TTN: variants seen among roughly 807,000 people sequenced by gnomAD.
The protein encoded by TTN is titin, also known as connectin.
Under a neutral mutation model 3,223.0 loss-of-function variants are expected in TTN, and 1,525 were observed. The observed-to-expected ratio is 0.47, with a 90% CI of 0.45 to 0.49. The LOEUF is 0.49. Among genes scored for constraint, TTN ranks in the 20% least tolerant of loss-of-function variants. The probability of loss-of-function intolerance (pLI) is 0.00; values close to 1 mark genes in which losing one functional copy is unlikely to be tolerated. For missense variants in TTN, 40,786 were observed against 43,424.0 expected (o/e 0.94, Z 5.40); for synonymous variants, 14,094 against 15,161.0 (o/e 0.93, Z 5.17).
Position 178,719,958 on chromosome 2 carries a change from T to C in TTN, c.23659+25A>G, listed in dbSNP as rs1312073806. On this transcript the variant is annotated intron_variant, in intron 81 of 362. Transcript: ENST00000589042. ...TCATGGATCAAGTAAATTGATTTTT[T>C]CTCTGGCTGTGCTTTGCTACTAACC... The C allele has an allele frequency of 1.0e-5, 16 of 1,560,880 alleles. No homozygotes were observed. The East Asian group carries it at 3.2e-4, about 31-fold the overall frequency.
intron 62 of TTN, 66 bp downstream of exon 62, chr2:178,730,027 G>A (rs890003657): frequency 6.2e-5 from 50 of 803,516 alleles, no homozygotes; most frequent in Non-Finnish European, 8.5e-5. Context: ...AGCGTCCCCC[G>A]CCCCGGCCCA....
intron 250 of TTN, 133 bp downstream of exon 250, chr2:178,619,488 A>G (rs950454947): frequency 4.1e-5 from 46 of 1,122,824 alleles, no homozygotes; most frequent in Non-Finnish European, 4.7e-5. Context: ...GAGCAAAATT[A>G]GAGTTGTTAA....
At chr2:178,694,725 G>C in intron 116 of TTN, 49 bp from the exon 117 acceptor site, 1 of 1,510,814 alleles carries the variant, frequency 6.6e-7, no homozygotes. Flanking sequence ...ATATTGCTTT[G>C]CACAAAATTT....
At position 178,764,619 on chromosome 2, in the gene TTN, A is replaced by G. The variant is rs2090024625; in HGVS notation, c.9896T>C (p.Ile3299Thr). 1.9e-6 allele frequency: 3 copies of G among 1,614,126 alleles called. No homozygotes were observed. Among genetic ancestry groups the G allele is most frequent in the East Asian group, 2.2e-5 (1 of 44,870 alleles). Residue 3299 changes from isoleucine to threonine, a missense_variant, in exon 42 of 363, where the codon ATT becomes ACT. Coordinates refer to ENST00000589042, the MANE Select transcript of TTN (RefSeq NM_001267550.2). ...HDGQEYTLLL[I>T]EAFPEDAAVY... is the part of the protein sequence containing the mutation. ...TGCCGCATCCTCTGGGAAGGCTTCA[A>G]TTAGCAAAAGCGTGTATTCTTGCCC...
At position 178,732,287 on chromosome 2, in the gene TTN, G is replaced by T; in HGVS notation, c.16682C>A (p.Thr5561Asn). 6.2e-7 allele frequency: 1 copy of T among 1,613,410 alleles called. No individual in the cohort carries two copies. The highest frequency in any genetic ancestry group is 8.5e-7 in the Non-Finnish European group (1 of 1,179,544). The change falls in exon 57 of 363, where the codon ACC becomes AAC. Residue 5561 changes from threonine (T) to asparagine (N), a missense_variant. Physicochemically the swap from Thr to Asn is moderately conservative, Grantham distance 65. Transcript: ENST00000589042. Reference protein sequence around the residue: ...PSQLLKKGDATQLACKVTGTP... With the variant: ...PSQLLKKGDANQLACKVTGTP... The stretch of plus-strand genomic sequence containing the variant: ...ACCAGTTACTTTGCAGGCTAGCTGG[G>T]TGGCATCTCCCTTCTTTAACAGCTG...
intron 78 of TTN, 32 bp from the exon 79 acceptor site, chr2:178,721,234 A>G: frequency 6.6e-7 from 1 of 1,510,822 alleles, no homozygotes; most frequent in Non-Finnish European, 8.9e-7. Flanking sequence ...TCAGTAAGGG[A>G]TATTTATTAT....
chr2:178,650,977 G>T, intron 208 of TTN, 143 bp from the exon 209 acceptor site: 1 of 925,192 alleles, frequency 1.1e-6, no homozygotes, highest in Non-Finnish European at 1.7e-6. Flanking sequence ...TCTGTCTTTG[G>T]ACCCTCATAT....
At position 178,551,519 on chromosome 2, in the gene TTN, G is replaced by A. The variant is rs888382689; in HGVS notation, c.91270+111C>T. ...TGCTTTACATGACCAGTTCTCTAGT[G>A]ACAAGAAGATATGTAAGAAGGTGAT... On this transcript the variant is annotated intron_variant, in intron 335 of 362. Transcript: ENST00000589042. The A allele has an allele frequency of 1.3e-4, 129 of 982,570 alleles. 2 individuals carry two copies. The Middle Eastern group carries it at 1.3e-3, about 10-fold the overall frequency. 60.9% of individuals were successfully genotyped at this position (982,570 alleles called of 1,614,324 possible). A position where few individuals can be genotyped will look rare whatever the true frequency, so the allele number is the denominator to read the frequency against.
At position 178,725,852 on chromosome 2, in the gene TTN, C is replaced by T. The variant is rs1177053668; in HGVS notation, c.20470G>A (p.Asp6824Asn). The T allele has an allele frequency of 3.7e-6, 6 of 1,613,162 alleles. No homozygotes were observed. The change falls in exon 70 of 363, where the codon GAC becomes AAC. Residue 6824 changes from aspartate to asparagine, a missense_variant. By Grantham distance (23) the Asp-to-Asn change is conservative. Coordinates refer to ENST00000589042, the MANE Select transcript of TTN (RefSeq NM_001267550.2). Reference protein sequence around the residue: ...FHTSIHILNVDTSDIGEYHCK... With the variant: ...FHTSIHILNVNTSDIGEYHCK... ...TGGTATTCACCGATGTCTGAAGTGT[C>T]CACATTGAGAATGTGAATACTTGTG...
chr2:178,766,554 G>T lies in TTN; in HGVS notation c.9530C>A (p.Ala3177Asp). 6.2e-7 allele frequency: 1 copy of T among 1,613,994 alleles called. No homozygotes were observed. The highest frequency in any genetic ancestry group is 8.5e-7 in the Non-Finnish European group (1 of 1,179,972). ...TTCAATGCCATCTTTATACCAGTGG[G>T]CATCAACATCGTCTTCATTGACCTC... ...EFEVNEDDVD[A>D]HWYKDGIEIN... The change falls in exon 41 of 363, where the codon GCC becomes GAC. Residue 3177 changes from alanine (A) to aspartate (D), a missense_variant. Ala to Asp is a moderately radical substitution (Grantham distance 126). Coordinates refer to ENST00000589042, the MANE Select transcript of TTN (RefSeq NM_001267550.2).
chr2:178,628,398 A>T (rs557295649), intron 240 of TTN, among the ~76,000 whole-genome samples: 6 of 152,084 alleles, frequency 3.9e-5, no homozygotes, highest in Non-Finnish European at 8.8e-5. Context: ...TATGTCACAG[A>T]ACAATGTACT....
chr2:178,565,606 A>G lies in TTN; in HGVS notation c.80526T>C (p.Gly26842=). Residue 26842 remains glycine (G), a synonymous_variant, in exon 326 of 363, where the codon GGT becomes GGC. Coordinates refer to ENST00000589042, the MANE Select transcript of TTN (RefSeq NM_001267550.2). ...ACTGATATTCTTGTCCAGAACTCAA[A>G]CCAGTAACAACTGCATTACAGACTT... ...ESKVCNAVVT[G]LSSGQEYQFR... The G allele has an allele frequency of 5.0e-6, 8 of 1,613,598 alleles. No individual in the cohort carries two copies. The highest frequency in any genetic ancestry group is 6.8e-6 in the Non-Finnish European group (8 of 1,179,626).
chr2:178,615,093 A>C, intron 259 of TTN, 125 bp from the exon 260 acceptor site: 1 of 1,000,444 alleles, frequency 1.0e-6, no homozygotes, highest in Admixed American at 2.8e-5. Context: ...AACCTGGATT[A>C]CTTCAACACT....
chr2:178,622,776 G>T lies in TTN; in HGVS notation c.44816-9C>A, dbSNP rs760060837. 5.1e-6 allele frequency: 8 copies of T among 1,583,012 alleles called. No homozygotes were observed. In the African/African-American group the frequency reaches 9.4e-5, roughly 19 times the overall value. ...GAATTCCACATGAGGAGCTGTAAGA[G>T]AATGTCATCAGAATTCAAAATGAGG... On this transcript the variant is annotated splice_polypyrimidine_tract_variant and intron_variant, in intron 242 of 362. Transcript: ENST00000589042.
At chr2:178,716,799 C>G (rs147771619) in intron 88 of TTN, among the ~76,000 whole-genome samples, 1 of 152,122 alleles carries the variant, frequency 6.6e-6, no homozygotes, top group African/African-American at 2.4e-5. Flanking sequence ...CCTATGATAC[C>G]GTCTTTCAAA....
rs1187488174 is a variant in TTN at position 178,645,366 on chromosome 2, GA to G, written c.40408+553del. Among the ~76,000 whole-genome samples, 10 of 149,924 alleles carry G rather than the reference GA, an allele frequency of 6.7e-5. No individual in the cohort carries two copies. In the East Asian group the frequency reaches 2.0e-3, roughly 29 times the overall value. On this transcript the variant is annotated intron_variant, in intron 217 of 362. Coordinates refer to ENST00000589042, the MANE Select transcript of TTN (RefSeq NM_001267550.2). ...CACAGAACACTTCTTTAAGTTGCAAGAAAAAAAAAGAGATGGGGGAACTGTA... is the reference window on the plus strand; with the variant it reads ...CACAGAACACTTCTTTAAGTTGCAAGAAAAAAAAGAGATGGGGGAACTGTA...
chr2:178,610,892 G>A, intron 270 of TTN, 101 bp downstream of exon 270: 1 of 1,397,988 alleles, frequency 7.2e-7, no homozygotes, highest in Non-Finnish European at 9.8e-7. Flanking sequence ...GTTTACAAGT[G>A]GCCAGTTCAT....
rs1302487355 is a variant in TTN at position 178,647,418 on chromosome 2, C to T, written c.40104G>A (p.Val13368=). 1 of 1,549,604 alleles carries T rather than the reference C, an allele frequency of 6.5e-7. No homozygotes were observed. The part of the protein sequence containing the change: ...EKIIPEKEVS[V]PIPAEPEVPP... ...GAACTTCTGGCTCTGCAGGGATAGG[C>T]ACAGACACTTCCTTTTCTGGGATGA... The change falls in exon 214 of 363, where the codon GTG becomes GTA. Residue 13368 remains valine (V), a synonymous_variant. Transcript: ENST00000589042.
At chr2:178,707,875 G>A in intron 99 of TTN, 62 bp from the exon 100 acceptor site, 1 of 1,507,556 alleles carries the variant, frequency 6.6e-7, no homozygotes, top group Non-Finnish European at 8.9e-7. Context: ...AATTCCACAA[G>A]AGAAACAAAT....
Sources: allele counts gnomAD v4.1 joint callset (sites outside exome capture counted in the v4.1 genomes callset), GRCh38; gene constraint gnomAD v4.1.1; transcripts MANE v1.5; gene names NCBI Gene and HGNC (gene_info 2026-07-23, HGNC 2026-07-21).